LARGE1: variants seen among roughly 807,000 people sequenced by gnomAD.
LARGE1 encodes xylosyl- and glucuronyltransferase LARGE1.
LARGE1 carries 43 observed loss-of-function variants against 87.6 expected under a neutral mutation model. That is an observed-to-expected ratio of 0.49 (90% CI 0.38 to 0.63). LARGE1 has a LOEUF of 0.63. LARGE1 is among the 30% of genes least tolerant of loss of function. The probability of loss-of-function intolerance (pLI) is 0.00; values close to 1 mark genes in which losing one functional copy is unlikely to be tolerated. For synonymous variants in LARGE1, 434 were observed against 394.6 expected (o/e 1.10, Z -1.18); for missense variants, 802 against 1,000.2 (o/e 0.80, Z 2.67).
At chr22:33,874,015 T>G (rs2064388022) in intron 1 of LARGE1, among the ~76,000 whole-genome samples, 1 of 148,340 alleles carries the variant, frequency 6.7e-6, no homozygotes, top group African/African-American at 2.5e-5. Flanking sequence ...TTCCCCTCCC[T>G]CCCTCCTCCT....
intron 1 of LARGE1, among the ~76,000 whole-genome samples, chr22:33,858,118 G>C (rs143705601): frequency 6.6e-6 from 1 of 152,168 alleles, no homozygotes; most frequent in South Asian, 2.1e-4. Context: ...GTGGAACCCC[G>C]TGACTAGTGT....
intron 6 of LARGE1, among the ~76,000 whole-genome samples, chr22:33,530,435 G>T (rs2072139729): frequency 1.4e-5 from 2 of 146,806 alleles, no homozygotes; most frequent in African/African-American, 2.5e-5. Context: ...AAACACCATT[G>T]CCTATTGGAA....
intron 1 of LARGE1, among the ~76,000 whole-genome samples, chr22:33,890,271 C>T (rs115364707): frequency 0.022 from 3,299 of 152,248 alleles, 126 homozygotes; most frequent in African/African-American, 0.076. Context: ...AGATGCAAGG[C>T]GGGGCTCACA....
intron 7 of LARGE1, among the ~76,000 whole-genome samples, chr22:33,410,891 C>A (rs1308947965): frequency 2.0e-5 from 3 of 152,162 alleles, no homozygotes; most frequent in South Asian, 4.1e-4. Context: ...AAGCATGAAT[C>A]AAATCTAAGC....
intron 6 of LARGE1, among the ~76,000 whole-genome samples, chr22:33,461,089 A>G (rs1378621696): frequency 6.6e-6 from 1 of 152,226 alleles, no homozygotes; most frequent in Non-Finnish European, 1.5e-5. Context: ...CAATGAATTC[A>G]ACCCCAGAAG....
At chr22:33,461,792 C>T (rs1258853988) in intron 6 of LARGE1, among the ~76,000 whole-genome samples, 2 of 152,076 alleles carry the variant, frequency 1.3e-5, no homozygotes. Context: ...AGAAGCCAAT[C>T]TCCATGTTGT....
At chr22:33,309,568 C>G (rs1039734418) in intron 11 of LARGE1, among the ~76,000 whole-genome samples, 1 of 152,218 alleles carries the variant, frequency 6.6e-6, no homozygotes, top group Non-Finnish European at 1.5e-5. Flanking sequence ...GCCCCCTCGC[C>G]AGACACCAAA....
At chr22:33,349,463 T>G (rs1378223654) in intron 9 of LARGE1, among the ~76,000 whole-genome samples, 2 of 152,176 alleles carry the variant, frequency 1.3e-5, no homozygotes, top group East Asian at 3.9e-4. Context: ...TGAGGGAGGC[T>G]CAGCACTAGC....
intron 10 of LARGE1, among the ~76,000 whole-genome samples, chr22:33,325,905 T>C (rs2146418855): frequency 6.6e-6 from 1 of 152,316 alleles, no homozygotes; most frequent in South Asian, 2.1e-4. Flanking sequence ...AGTTGACAGA[T>C]GAGGGCCCAA....
intron 1 of LARGE1, among the ~76,000 whole-genome samples, chr22:33,781,560 A>C (rs2085421738): frequency 6.6e-6 from 1 of 152,198 alleles, no homozygotes; most frequent in East Asian, 1.9e-4. Context: ...GAAAGAATGC[A>C]GACAGCAGAA....
chr22:33,844,079 CAA>C (rs34588361), intron 1 of LARGE1, among the ~76,000 whole-genome samples: 75 of 122,780 alleles, frequency 6.1e-4, no homozygotes, highest in Admixed American at 6.3e-4. Context: ...AACTCCGTCT[CAA>C]AAAAAAAAAA....
At chr22:33,230,533 C>CT (rs1263950736) in intron 11 of LARGE1, among the ~76,000 whole-genome samples, 3 of 152,154 alleles carry the variant, frequency 2.0e-5, no homozygotes, top group African/African-American at 4.8e-5. Context: ...ACAAACATGT[C>CT]TTTTTCTCCC....
intron 6 of LARGE1, among the ~76,000 whole-genome samples, chr22:33,544,694 C>CAACAACAACCACAACA (rs1555952160): frequency 4.4e-5 from 6 of 136,530 alleles, no homozygotes; most frequent in Non-Finnish European, 9.1e-5. Context: ...AAACAACAAC[C>CAACAACAACCACAACA]ACAACAACAA....
intron 1 of LARGE1, among the ~76,000 whole-genome samples, chr22:33,791,262 T>C (rs2085814821): frequency 1.3e-5 from 2 of 152,178 alleles, no homozygotes; most frequent in South Asian, 4.1e-4. Context: ...CTGCGTAGTA[T>C]CCTTATGGCT....
At chr22:33,700,701 A>G (rs1211770439) in intron 2 of LARGE1, among the ~76,000 whole-genome samples, 1 of 152,320 alleles carries the variant, frequency 6.6e-6, no homozygotes, top group African/African-American at 2.4e-5. Flanking sequence ...GCTGGCCTTG[A>G]AGAGTGAGTA....
chr22:33,327,906 A>G (rs1328563772), intron 10 of LARGE1, among the ~76,000 whole-genome samples: 1 of 152,164 alleles, frequency 6.6e-6, no homozygotes, highest in Non-Finnish European at 1.5e-5. Flanking sequence ...GCTTCAAGAA[A>G]AGGACTTGTT....
intron 11 of LARGE1, among the ~76,000 whole-genome samples, chr22:33,308,450 T>C (rs1569038167): frequency 1.3e-5 from 2 of 152,220 alleles, no homozygotes; most frequent in Admixed American, 6.5e-5. Context: ...GAGCTTCAAT[T>C]TGCACATATG....
At chr22:33,750,013 G>A (rs1294801812) in intron 2 of LARGE1, among the ~76,000 whole-genome samples, 16 of 152,260 alleles carry the variant, frequency 1.1e-4, no homozygotes, top group Non-Finnish European at 2.2e-4. Context: ...ATGGGACAAG[G>A]ATGAAGTTGT....
At chr22:33,090,345 GA>G in the LARGE1 span, among the ~76,000 whole-genome samples, 3 of 152,122 alleles carry the variant, frequency 2.0e-5, no homozygotes, top group African/African-American at 4.8e-5. Context: ...TATAAGCACT[GA>G]AAAAAAATGA....
Sources: allele counts gnomAD v4.1 joint callset (sites outside exome capture counted in the v4.1 genomes callset), GRCh38; gene constraint gnomAD v4.1.1; transcripts MANE v1.5; gene names NCBI Gene and HGNC (gene_info 2026-07-23, HGNC 2026-07-21).